Variants in FBXL17 observed in about 807,000 individuals in gnomAD.
The protein encoded by FBXL17 is F-box/LRR-repeat protein 17.
In FBXL17, 22 loss-of-function variants were observed where a neutral mutation model predicts 66.2. The ratio of observed to expected loss-of-function variants is 0.33; its 90% CI spans 0.24 to 0.47. The LOEUF (loss-of-function observed/expected upper bound fraction) is 0.47. Ranked by LOEUF, FBXL17 falls within the 20% of genes least tolerant of loss-of-function variation. FBXL17 has a pLI of 1.00. For missense variants in FBXL17, 878 were observed against 948.2 expected, an observed-to-expected ratio of 0.93 and a Z score of 0.97; for synonymous variants, 474 against 400.5, an observed-to-expected ratio of 1.18 and a Z score of -2.19.
At chr5:108,156,190 T>C (rs571068911) in intron 6 of FBXL17, among the ~76,000 whole-genome samples, 1 of 152,242 alleles carries the variant, frequency 6.6e-6, no homozygotes, top group East Asian at 1.9e-4. Flanking sequence ...GATCATACTT[T>C]AGTTATTGGT....
At chr5:108,216,885 C>T (rs1754623894) in intron 5 of FBXL17, among the ~76,000 whole-genome samples, 1 of 152,160 alleles carries the variant, frequency 6.6e-6, no homozygotes, top group Non-Finnish European at 1.5e-5. Context: ...CACAAACCTC[C>T]AGCTAACTCA....
chr5:108,147,991 G>A (rs767555890), intron 6 of FBXL17, among the ~76,000 whole-genome samples: 2 of 151,110 alleles, frequency 1.3e-5, no homozygotes, highest in Non-Finnish European at 3.0e-5. Flanking sequence ...ATAGGCAAAG[G>A]AAAAAAACTG....
At chr5:107,911,116 AAG>A (rs1429806052) in intron 7 of FBXL17, among the ~76,000 whole-genome samples, 7 of 152,128 alleles carry the variant, frequency 4.6e-5, no homozygotes, top group Non-Finnish European at 1.0e-4. Context: ...AAAAGTAGTT[AAG>A]AGAGGGATGA....
At chr5:108,062,912 T>C (rs1262214578) in intron 6 of FBXL17, among the ~76,000 whole-genome samples, 1 of 152,152 alleles carries the variant, frequency 6.6e-6, no homozygotes, top group Admixed American at 6.5e-5. Context: ...AAAGAAAATT[T>C]GAAGTTCGGC....
intron 6 of FBXL17, among the ~76,000 whole-genome samples, chr5:108,071,708 C>T (rs535240297): frequency 3.3e-5 from 5 of 152,232 alleles, no homozygotes; most frequent in South Asian, 4.2e-4. Context: ...TCTACTTTAT[C>T]GTGAAGTGAA....
At chr5:108,180,101 C>T (rs1188383979) in intron 6 of FBXL17, among the ~76,000 whole-genome samples, 1 of 152,152 alleles carries the variant, frequency 6.6e-6, no homozygotes, top group East Asian at 1.9e-4. Flanking sequence ...GTGCTGGCAA[C>T]TAATTCAAAA....
chr5:108,231,958 G>C (rs2150086507), intron 4 of FBXL17, among the ~76,000 whole-genome samples: 1 of 151,970 alleles, frequency 6.6e-6, no homozygotes, highest in Non-Finnish European at 1.5e-5. Flanking sequence ...ATGAAGGTTT[G>C]GGTCACTGTA....
intron 7 of FBXL17, among the ~76,000 whole-genome samples, chr5:107,916,121 G>A (rs900588600): frequency 6.6e-6 from 1 of 152,180 alleles, no homozygotes; most frequent in African/African-American, 2.4e-5. Context: ...GCTAGGCAGT[G>A]TACATGGTGC....
chr5:108,297,733 A>C, intron 4 of FBXL17: 1 of 575,190 alleles, frequency 1.7e-6, no homozygotes, highest in Non-Finnish European at 2.2e-6. Context: ...GCAACTCAGA[A>C]ATAAACTTCA....
At chr5:107,989,380 G>C (rs1363065602) in intron 7 of FBXL17, among the ~76,000 whole-genome samples, 1 of 152,010 alleles carries the variant, frequency 6.6e-6, no homozygotes, top group African/African-American at 2.4e-5. Flanking sequence ...GTAAGATCAT[G>C]TGATATTTGT....
Position 108,382,054 on chromosome 5 carries a change from C to A in FBXL17, c.-363G>T. ...GGGAAAGGCCGGGTCCCGCTCGGAC[C>A]ATTTTAACTGCGGATCCGCCGCCGG... On this transcript the variant is annotated 5_prime_UTR_variant, in exon 1 of 9. An upstream start codon of the reference 5' UTR is lost. Transcript: ENST00000542267. 2 of 836,292 alleles carry A rather than the reference C, an allele frequency of 2.4e-6. No homozygotes were observed. Among genetic ancestry groups the A allele is most frequent in the African/African-American group, 1.8e-5 (1 of 55,356 alleles). The allele number at this position is 836,292 out of a possible 1,614,324, so 51.8% of individuals were successfully genotyped here. A position where few individuals can be genotyped will look rare whatever the true frequency, so the allele number is the denominator to read the frequency against.
chr5:108,276,011 C>G (rs1393894541), intron 4 of FBXL17, among the ~76,000 whole-genome samples: 1 of 152,104 alleles, frequency 6.6e-6, no homozygotes, highest in East Asian at 1.9e-4. Context: ...AAATTTTTAA[C>G]ACTGCATTAA....
Position 108,133,601 on chromosome 5 carries a change from C to T in FBXL17, c.1745+52516G>A, listed in dbSNP as rs567522663. Among the ~76,000 whole-genome samples the T allele has an allele frequency of 2.0e-5, 3 of 151,710 alleles. No homozygotes were observed. The East Asian group carries it at 5.8e-4, about 29-fold the overall frequency. ...TGATGACAGGAATCAAGACAGCATGCAGAGATCTGCTGGAAGAGAGAAAGA... is the reference window on the plus strand; with the variant it reads ...TGATGACAGGAATCAAGACAGCATGTAGAGATCTGCTGGAAGAGAGAAAGA... On this transcript the variant is annotated intron_variant, in intron 6 of 8. Coordinates refer to ENST00000542267, the MANE Select transcript of FBXL17 (RefSeq NM_001163315.3).
At chr5:108,111,933 T>C (rs1380144964) in intron 6 of FBXL17, among the ~76,000 whole-genome samples, 2 of 152,194 alleles carry the variant, frequency 1.3e-5, no homozygotes, top group African/African-American at 4.8e-5. Context: ...CAAGGGGTAA[T>C]GCTGCATAAT....
chr5:108,356,579 C>A (rs1184909998), intron 3 of FBXL17, among the ~76,000 whole-genome samples: 1 of 151,994 alleles, frequency 6.6e-6, no homozygotes, highest in Non-Finnish European at 1.5e-5. Context: ...AAAGGGGTTA[C>A]ATACTATATG....
At chr5:107,954,075 C>G (rs1005533714) in intron 7 of FBXL17, among the ~76,000 whole-genome samples, 1 of 152,166 alleles carries the variant, frequency 6.6e-6, no homozygotes, top group African/African-American at 2.4e-5. Flanking sequence ...TTGTTATTGG[C>G]TGACATATCT....
At position 107,937,707 on chromosome 5, in the gene FBXL17, G is replaced by A. The variant is rs76628566; in HGVS notation, c.1823-56528C>T. ...GTATTTCTGGGCGAATGGTAGGTGT[G>A]CAGTGAATACATGTTGAATTGAATT... On this transcript the variant is annotated intron_variant, in intron 7 of 8. Transcript: ENST00000542267. 7.2e-3 allele frequency among the ~76,000 whole-genome samples: 1,101 copies of A among 152,220 alleles called. 12 individuals are homozygous for A. Among genetic ancestry groups the A allele is most frequent in the African/African-American group, 0.025 (1,019 of 41,550 alleles).
rs185244395 is a variant in FBXL17, at chr5:107,956,835, T to C, written c.1822+64090A>G. Among the ~76,000 whole-genome samples, 5 of 152,146 alleles carry C rather than the reference T, an allele frequency of 3.3e-5. No homozygotes were observed. The East Asian group carries it at 9.7e-4, about 29-fold the overall frequency. ...ACTATTTCATAAAATTAATTTTCAG[T>C]GGGTGGGCAGAAGAGAGAATACTTA... On this transcript the variant is annotated intron_variant, in intron 7 of 8. Coordinates refer to ENST00000542267, the MANE Select transcript of FBXL17 (RefSeq NM_001163315.3).
At chr5:108,320,440 A>C (rs1241403101) in intron 4 of FBXL17, among the ~76,000 whole-genome samples, 2 of 151,742 alleles carry the variant, frequency 1.3e-5, no homozygotes, top group Non-Finnish European at 3.0e-5. Flanking sequence ...AGCTCTTGGA[A>C]AGCATCCAAA....
Sources: gnomAD v4.1 joint callset for allele counts (sites outside exome capture counted in the v4.1 genomes callset) on GRCh38, gnomAD v4.1.1 for gene constraint, MANE v1.5 for transcripts, NCBI Gene and HGNC (gene_info 2026-07-23, HGNC 2026-07-21) for gene names.